The following TMEM30B variants were observed in gnomAD, a reference collection of about 807,000 sequenced individuals.
TMEM30B encodes cell cycle control protein 50B.
TMEM30B carries 25 observed loss-of-function variants against 27.9 expected under a neutral mutation model. The observed-to-expected ratio is 0.89, with a 90% CI of 0.65 to 1.25. The LOEUF is 1.25. Ranked by LOEUF, TMEM30B falls within the 50% of genes most tolerant of loss-of-function variation. TMEM30B has a pLI of 0.00. For missense variants in TMEM30B, 536 were observed against 506.5 expected, an observed-to-expected ratio of 1.06 and a Z score of -0.56; for synonymous variants, 248 against 238.5, an observed-to-expected ratio of 1.04 and a Z score of -0.37.
chr14:61,280,224 C>T lies in TMEM30B; in HGVS notation c.924G>A (p.Ser308=). 6.2e-7 allele frequency: 1 copy of T among 1,614,114 alleles called. No homozygotes were observed. The highest frequency in any genetic ancestry group is 1.1e-5 in the South Asian group (1 of 91,082). ...GGAAGGGGTTCTTGCCACCCATCCA[C>T]GAGATGCTGCTGAAGATGAGGAGCT... ...GHKLLIFSSI[S]WMGGKNPFLG... The change falls in exon 1 of 1, where the codon TCG becomes TCA. Residue 308 remains serine, a synonymous_variant. Coordinates refer to ENST00000555868, the MANE Select transcript of TMEM30B (RefSeq NM_001017970.3). This position sits in a 1 kb window ranked among gnomAD's most constrained non-coding sequence, Gnocchi z 5.0.
At position 61,280,404 on chromosome 14, in the gene TMEM30B, C is replaced by G. The variant is rs1482285923; in HGVS notation, c.744G>C (p.Gln248His). 1.2e-6 allele frequency: 2 copies of G among 1,614,012 alleles called. No homozygotes were observed. Among genetic ancestry groups the G allele is most frequent in the South Asian group, 2.2e-5 (2 of 91,082 alleles). Residue 248 changes from glutamine to histidine, a missense_variant, in exon 1 of 1, where the codon CAG becomes CAC. Physicochemically the swap from Gln to His is conservative, Grantham distance 24 (BLOSUM62 0). Transcript: ENST00000555868. The surrounding 1 kb of genome is among the most constrained non-coding windows in gnomAD (Gnocchi z 5.0). The stretch of plus-strand genomic sequence containing the variant: ...CCGTGCGCATCCACACCACGAAGTC[C>G]TGATTGATGAAGCCGGTGTTGTTGG... ...PDPNNTGFIN[Q>H]DFVVWMRTAA...
In TMEM30B at chr14:61,280,953, GT is replaced by G; in HGVS notation, c.194del (p.Tyr65SerfsTer50). On this transcript the variant is annotated frameshift_variant, in exon 1 of 1. Transcript: ENST00000555868. LOFTEE classifies it high-confidence loss of function. This position sits in a 1 kb window ranked among gnomAD's most constrained non-coding sequence, Gnocchi z 5.0. ...CGGTGCCCGGGTCGCCTGTATAGTC[GT>G]ACTCCAGCTCCTTGATGCCGTTGGA... ...YSSNGIKELE[Y>X]DYTGDPGTGN... 6.5e-7 allele frequency: 1 copy of G among 1,543,228 alleles called. No homozygotes were observed. The highest frequency in any genetic ancestry group is 8.7e-7 in the Non-Finnish European group (1 of 1,147,822).
chr14:61,281,148 G>T lies in TMEM30B; in HGVS notation c.-1C>A. ...CCCGGGCCGTGGCGCTCCAGGTCAT[G>T]GCGGCCGCGCGGGGACCGACGCGCG... On this transcript the variant is annotated 5_prime_UTR_variant, in exon 1 of 1. Coordinates refer to ENST00000555868, the MANE Select transcript of TMEM30B (RefSeq NM_001017970.3). The T allele has an allele frequency of 4.5e-6, 6 of 1,344,970 alleles. No homozygotes were observed. The highest frequency in any genetic ancestry group is 5.7e-6 in the Non-Finnish European group (6 of 1,051,686). The allele number at this position is 1,344,970 out of a possible 1,614,324, so 83.3% of individuals were successfully genotyped here.
rs1227832075 is a variant in TMEM30B at position 61,278,249 on chromosome 14, C to T, written c.*1843G>A. The stretch of plus-strand genomic sequence containing the variant: ...ACATTTGTAACAAATAAAAATGTAT[C>T]TATATACATATAATGATCATGTTTT... On this transcript the variant is annotated 3_prime_UTR_variant, in exon 1 of 1. Coordinates refer to ENST00000555868, the MANE Select transcript of TMEM30B (RefSeq NM_001017970.3). The T allele has an allele frequency of 6.6e-6, 1 of 152,176 alleles. No individual in the cohort carries two copies. Among genetic ancestry groups the T allele is most frequent in the Non-Finnish European group, 1.5e-5 (1 of 68,028 alleles). 9.4% of individuals were successfully genotyped at this position (152,176 alleles called of 1,614,324 possible). A position where few individuals can be genotyped will look rare whatever the true frequency, so the allele number is the denominator to read the frequency against.
rs71117806 is a variant in TMEM30B, at chr14:61,278,975, TCACACACACACACACA to T, written c.*1101_*1116del. On this transcript the variant is annotated 3_prime_UTR_variant, in exon 1 of 1. Transcript: ENST00000555868. The stretch of plus-strand genomic sequence containing the variant: ...AAGGTATGAATGAAGCCCTTTCTAA[TCACACACACACACACA>T]CACACACACACACACACACACAATG... The T allele has an allele frequency of 2.9e-5, 4 of 140,238 alleles. No homozygotes were observed. Among genetic ancestry groups the T allele is most frequent in the South Asian group, 2.5e-4 (1 of 4,050 alleles). 8.7% of individuals were successfully genotyped at this position (140,238 alleles called of 1,614,324 possible). A position where few individuals can be genotyped will look rare whatever the true frequency, so the allele number is the denominator to read the frequency against.
chr14:61,280,529 G>A lies in TMEM30B; in HGVS notation c.619C>T (p.Arg207Cys). ...AWWTDYHVKF[R>C]NPPLVNGSLA... ...CTGCCGTTGACCAGCGGCGGGTTGC[G>A]GAACTTGACGTGGTAGTCGGTCCAC... is the stretch of plus-strand genomic sequence containing the variant. Residue 207 changes from arginine to cysteine, a missense_variant, in exon 1 of 1, where the codon CGC (arginine) becomes TGC (cysteine). By Grantham distance (180) the Arg-to-Cys change is radical. Transcript: ENST00000555868. This position sits in a 1 kb window ranked among gnomAD's most constrained non-coding sequence, Gnocchi z 5.0. 6.2e-7 allele frequency: 1 copy of A among 1,612,406 alleles called. No individual in the cohort carries two copies. The highest frequency in any genetic ancestry group is 8.5e-7 in the Non-Finnish European group (1 of 1,179,476).
Position 61,280,447 on chromosome 14 carries a change from T to G in TMEM30B, c.701A>C (p.Tyr234Ser). 6.2e-7 allele frequency: 1 copy of G among 1,613,818 alleles called. No individual in the cohort carries two copies. Among genetic ancestry groups the G allele is most frequent in the Non-Finnish European group, 8.5e-7 (1 of 1,179,826 alleles). Residue 234 changes from tyrosine (Y) to serine (S), a missense_variant, in exon 1 of 1, where the codon TAC (tyrosine) becomes TCC (serine). Physicochemically the swap from Tyr to Ser is moderately radical, Grantham distance 144 (BLOSUM62 -2). Coordinates refer to ENST00000555868, the MANE Select transcript of TMEM30B (RefSeq NM_001017970.3). This position sits in a 1 kb window ranked among gnomAD's most constrained non-coding sequence, Gnocchi z 5.0. ...GTTGTTGGGGTCGGGGCTGAGCTCGTAGACTGGCCGGCGCCAGTTGGGCGG... is the reference window on the plus strand; with the variant it reads ...GTTGTTGGGGTCGGGGCTGAGCTCGGAGACTGGCCGGCGCCAGTTGGGCGG... ...APPPNWRRPV[Y>S]ELSPDPNNTG...
At position 61,281,119 on chromosome 14, in the gene TMEM30B, G is replaced by A; in HGVS notation, c.29C>T (p.Ala10Val). Residue 10 changes from alanine (A) to valine (V), a missense_variant, in exon 1 of 1, where the codon GCC becomes GTC. Coordinates refer to ENST00000555868, the MANE Select transcript of TMEM30B (RefSeq NM_001017970.3). MTWSATARGAHQPDNTAFTQ... is the reference protein window; with the variant it reads MTWSATARGVHQPDNTAFTQ... The stretch of plus-strand genomic sequence containing the variant: ...GAAGGCGGTGTTGTCGGGCTGGTGG[G>A]CGCCCCGGGCCGTGGCGCTCCAGGT... 7.0e-7 allele frequency: 1 copy of A among 1,424,078 alleles called. No individual in the cohort carries two copies. Among genetic ancestry groups the A allele is most frequent in the Middle Eastern group, 2.2e-4 (1 of 4,536 alleles). The allele number at this position is 1,424,078 out of a possible 1,614,324, so 88.2% of individuals were successfully genotyped here.
chr14:61,280,775 C>T lies in TMEM30B; in HGVS notation c.373G>A (p.Gly125Ser), dbSNP rs756372774. 2.6e-6 allele frequency: 4 copies of T among 1,555,324 alleles called. No homozygotes were observed. Among genetic ancestry groups the T allele is most frequent in the South Asian group, 2.4e-5 (2 of 82,954 alleles). The change falls in exon 1 of 1, where the codon GGC (glycine) becomes AGC (serine). Residue 125 changes from glycine to serine, a missense_variant. Gly to Ser is a moderately conservative substitution (Grantham distance 56). Transcript: ENST00000555868. This position sits in a 1 kb window ranked among gnomAD's most constrained non-coding sequence, Gnocchi z 5.0. ...TNFYQNNRRYGVSRDDAQLSG... is the reference protein window; with the variant it reads ...TNFYQNNRRYSVSRDDAQLSG... The stretch of plus-strand genomic sequence containing the variant: ...AGCTGCGCGTCGTCGCGGGACACGC[C>T]GTAGCGCCGGTTGTTCTGGTAGAAG...
At position 61,278,368 on chromosome 14, in the gene TMEM30B, G is replaced by A. The variant is rs901782834; in HGVS notation, c.*1724C>T. 3.3e-4 allele frequency: 50 copies of A among 152,102 alleles called. No homozygotes were observed. Among genetic ancestry groups the A allele is most frequent in the African/African-American group, 1.2e-3 (49 of 41,416 alleles). The allele number at this position is 152,102 out of a possible 1,614,324, so 9.4% of individuals were successfully genotyped here. On this transcript the variant is annotated 3_prime_UTR_variant, in exon 1 of 1. Coordinates refer to ENST00000555868, the MANE Select transcript of TMEM30B (RefSeq NM_001017970.3). ...CACATTAAATTAACAAAGTATTTTT[G>A]GTATATGTAAATAATGGGATAGAAT... is the stretch of plus-strand genomic sequence containing the variant.
chr14:61,277,741 C>G lies in TMEM30B; in HGVS notation c.*2351G>C, dbSNP rs1165108613. 6.6e-6 allele frequency: 1 copy of G among 152,068 alleles called. No homozygotes were observed. The highest frequency in any genetic ancestry group is 1.5e-5 in the Non-Finnish European group (1 of 68,016). 9.4% of individuals were successfully genotyped at this position (152,068 alleles called of 1,614,324 possible). ...ATTTGAGGACTATCTAGTTTATATA[C>G]ATGTTGAGGTTGATAAAGTATTGAG... On this transcript the variant is annotated 3_prime_UTR_variant, in exon 1 of 1. Coordinates refer to ENST00000555868, the MANE Select transcript of TMEM30B (RefSeq NM_001017970.3).
rs2045226062 is a variant in TMEM30B at position 61,278,716 on chromosome 14, A to G, written c.*1376T>C. The stretch of plus-strand genomic sequence containing the variant: ...ATTTTGCTATACAAGGTTTTTAAAA[A>G]TAAACTATTGCTTCTTAGAATAACT... On this transcript the variant is annotated 3_prime_UTR_variant, in exon 1 of 1. Coordinates refer to ENST00000555868, the MANE Select transcript of TMEM30B (RefSeq NM_001017970.3). 6.6e-6 allele frequency: 1 copy of G among 152,192 alleles called. No homozygotes were observed. The highest frequency in any genetic ancestry group is 6.5e-5 in the Admixed American group (1 of 15,268). The allele number at this position is 152,192 out of a possible 1,614,324, so 9.4% of individuals were successfully genotyped here.
rs1397974110 is a variant in TMEM30B, at chr14:61,277,771, ATC to A, written c.*2319_*2320del. On this transcript the variant is annotated 3_prime_UTR_variant, in exon 1 of 1. Transcript: ENST00000555868. Reference sequence around the variant, plus strand: ...TGAGGTTGATAAAGTATTGAGGACTATCTAGTTTATATACACGTTGAGGTTGA... The same window carrying A: ...TGAGGTTGATAAAGTATTGAGGACTATAGTTTATATACACGTTGAGGTTGA... 2 of 152,228 alleles carry A rather than the reference ATC, an allele frequency of 1.3e-5. No individual in the cohort carries two copies. Among genetic ancestry groups the A allele is most frequent in the Non-Finnish European group, 2.9e-5 (2 of 68,036 alleles). 9.4% of individuals were successfully genotyped at this position (152,228 alleles called of 1,614,324 possible).
chr14:61,280,224 CG>C lies in TMEM30B; in HGVS notation c.923del (p.Ser308CysfsTer78). On this transcript the variant is annotated frameshift_variant, in exon 1 of 1. Coordinates refer to ENST00000555868, the MANE Select transcript of TMEM30B (RefSeq NM_001017970.3). LOFTEE classifies it high-confidence loss of function. This position sits in a 1 kb window ranked among gnomAD's most constrained non-coding sequence, Gnocchi z 5.0. ...GHKLLIFSSI[S>X]WMGGKNPFLG... ...GGAAGGGGTTCTTGCCACCCATCCA[CG>C]AGATGCTGCTGAAGATGAGGAGCTT... The C allele has an allele frequency of 6.2e-7, 1 of 1,614,114 alleles. No individual in the cohort carries two copies. Among genetic ancestry groups the C allele is most frequent in the Admixed American group, 1.7e-5 (1 of 60,016 alleles).
In TMEM30B at chr14:61,280,738, G is replaced by C; in HGVS notation, c.410C>G (p.Pro137Arg). 6.4e-7 allele frequency: 1 copy of C among 1,573,544 alleles called. No homozygotes were observed. Among genetic ancestry groups the C allele is most frequent in the Non-Finnish European group, 8.6e-7 (1 of 1,165,550 alleles). ...SRDDAQLSGL[P>R]SALRHPVNEC... is the part of the protein sequence containing the mutation. ...GTTGACAGGGTGGCGCAGCGCGCTG[G>C]GGAGTCCGCTCAGCTGCGCGTCGTC... is the stretch of plus-strand genomic sequence containing the variant. Residue 137 changes from proline (P) to arginine (R), a missense_variant, in exon 1 of 1, where the codon CCC (proline) becomes CGC (arginine). Coordinates refer to ENST00000555868, the MANE Select transcript of TMEM30B (RefSeq NM_001017970.3). The surrounding 1 kb of genome is among the most constrained non-coding windows in gnomAD (Gnocchi z 5.0).
rs568462285 is a variant in TMEM30B, at chr14:61,280,806, C to T, written c.342G>A (p.Leu114=). 432 of 1,561,722 alleles carry T rather than the reference C, an allele frequency of 2.8e-4. 1 individual carries two copies. The highest frequency in any genetic ancestry group is 2.1e-4 in the Non-Finnish European group (241 of 1,162,904). Residue 114 remains leucine (L), a synonymous_variant, in exon 1 of 1, where the codon CTG becomes CTA. Transcript: ENST00000555868. The surrounding 1 kb of genome is among the most constrained non-coding windows in gnomAD (Gnocchi z 5.0). ...FQGPVYLYYE[L]TNFYQNNRRY... ...GCCGGTTGTTCTGGTAGAAGTTGGT[C>T]AGCTCGTAGTAGAGGTACACTGGGC...
Position 61,280,769 on chromosome 14 carries a change from A to T in TMEM30B, c.379T>A (p.Ser127Thr). The T allele has an allele frequency of 6.4e-7, 1 of 1,557,636 alleles. No individual in the cohort carries two copies. The highest frequency in any genetic ancestry group is 8.6e-7 in the Non-Finnish European group (1 of 1,160,028). Residue 127 changes from serine to threonine, a missense_variant, in exon 1 of 1, where the codon TCC becomes ACC. Ser to Thr is a moderately conservative substitution (Grantham distance 58, BLOSUM62 1). Transcript: ENST00000555868. This position sits in a 1 kb window ranked among gnomAD's most constrained non-coding sequence, Gnocchi z 5.0. ...FYQNNRRYGV[S>T]RDDAQLSGLP... Reference sequence around the variant, plus strand: ...CCGCTCAGCTGCGCGTCGTCGCGGGACACGCCGTAGCGCCGGTTGTTCTGG... The same window carrying T: ...CCGCTCAGCTGCGCGTCGTCGCGGGTCACGCCGTAGCGCCGGTTGTTCTGG...
Position 61,281,167 on chromosome 14 carries a change from ACGCGCGGGCTGACCGAGTGGGGGCCCCGC to A in TMEM30B, c.-49_-21del. The A allele has an allele frequency of 2.3e-6, 3 of 1,294,626 alleles. No homozygotes were observed. The highest frequency in any genetic ancestry group is 2.9e-6 in the Non-Finnish European group (3 of 1,021,316). The allele number at this position is 1,294,626 out of a possible 1,614,324, so 80.2% of individuals were successfully genotyped here. ...GGTCATGGCGGCCGCGCGGGGACCG[ACGCGCGGGCTGACCGAGTGGGGGCCCCGC>A]CGCGGGGCGCCTCCCTCTCCGCGCC... On this transcript the variant is annotated 5_prime_UTR_variant, in exon 1 of 1. Coordinates refer to ENST00000555868, the MANE Select transcript of TMEM30B (RefSeq NM_001017970.3).
rs916988213 is a variant in TMEM30B, at chr14:61,280,811, C to T, written c.337G>A (p.Glu113Lys). 2.6e-6 allele frequency: 4 copies of T among 1,563,210 alleles called. No homozygotes were observed. Among genetic ancestry groups the T allele is most frequent in the Non-Finnish European group, 3.4e-6 (4 of 1,163,700 alleles). ...LFQGPVYLYY[E>K]LTNFYQNNRR... ...TTGTTCTGGTAGAAGTTGGTCAGCT[C>T]GTAGTAGAGGTACACTGGGCCCTGG... The change falls in exon 1 of 1, where the codon GAG (glutamate) becomes AAG (lysine). Residue 113 changes from glutamate to lysine, a missense_variant. Glu to Lys is a moderately conservative substitution (Grantham distance 56, BLOSUM62 1). Transcript: ENST00000555868. The surrounding 1 kb of genome is among the most constrained non-coding windows in gnomAD (Gnocchi z 5.0).
Sources: gnomAD v4.1 joint callset for allele counts on GRCh38, gnomAD v4.1.1 for gene constraint, Gnocchi (gnomAD v3.1) non-coding constraint, MANE v1.5 for transcripts, NCBI Gene and HGNC (gene_info 2026-07-23, HGNC 2026-07-21) for gene names.